Variants in DTNA observed in about 807,000 individuals in gnomAD.
DTNA encodes the protein dystrobrevin alpha.
In DTNA, 43 loss-of-function variants were observed where a neutral mutation model predicts 100.7. That is an observed-to-expected ratio of 0.43 (90% CI 0.33 to 0.55). DTNA has a LOEUF of 0.55. Ranked by LOEUF, DTNA falls within the 20% of genes least tolerant of loss-of-function variation. The pLI, the probability that DTNA is intolerant of heterozygous loss-of-function variation, is 0.04. For missense variants in DTNA, 798 were observed against 953.9 expected (o/e 0.84, Z 2.15); for synonymous variants, 349 against 347.9 (o/e 1.00, Z -0.04).
chr18:34,716,972 G>A (rs1366930216), intron 1 of DTNA, among the ~76,000 whole-genome samples: 2 of 152,070 alleles, frequency 1.3e-5, no homozygotes, highest in Non-Finnish European at 2.9e-5. Context: ...TTTAAATAGG[G>A]TATACATTCC....
At chr18:34,790,629 T>C (rs533259468) in intron 3 of DTNA, among the ~76,000 whole-genome samples, 2 of 135,066 alleles carry the variant, frequency 1.5e-5, no homozygotes, top group African/African-American at 5.4e-5. Context: ...TGGAGTGCAG[T>C]GGCGCAATCT....
At position 34,682,806 on chromosome 18, in the gene DTNA, G is replaced by C. The variant is rs545706651; in HGVS notation, c.-1-73170G>C. ...ATTTCTCTTATTTCTGTCTTCGCTT[G>C]TCATTCTCTTCAAGGTTTGTTTTTT... On this transcript the variant is annotated intron_variant, in intron 1 of 19. Transcript: ENST00000283365. Among the ~76,000 whole-genome samples, 7 of 151,624 alleles carry C rather than the reference G, an allele frequency of 4.6e-5. No homozygotes were observed. In the South Asian group the frequency reaches 1.5e-3, roughly 32 times the overall value.
Position 34,741,227 on chromosome 18 carries a change from C to A in DTNA, c.-1-14749C>A, listed in dbSNP as rs150315289. On this transcript the variant is annotated intron_variant, in intron 1 of 22. Coordinates refer to ENST00000444659, the MANE Select transcript of DTNA (RefSeq NM_001386795.1). The stretch of plus-strand genomic sequence containing the variant: ...ATCATAAAGTTCCCAGGAGCAGGCA[C>A]TTTATTTTCATACCCTTTGGCTAGC... 6.3e-3 allele frequency among the ~76,000 whole-genome samples: 957 copies of A among 152,196 alleles called. 12 individuals carry two copies. Among genetic ancestry groups the A allele is most frequent in the African/African-American group, 0.022 (906 of 41,524 alleles).
rs1287969983 is a variant in DTNA, at chr18:34,891,517, G to A, written c.*3783G>A. On this transcript the variant is annotated 3_prime_UTR_variant, in exon 23 of 23. Transcript: ENST00000444659. ...CAGTTTAAAGCAGGACCCATTGATG[G>A]AATATTGAGCCACCGAGGCAAAATA... The A allele has an allele frequency of 6.6e-6, 1 of 152,214 alleles. No homozygotes were observed. The highest frequency in any genetic ancestry group is 1.5e-5 in the Non-Finnish European group (1 of 68,028). 9.4% of individuals were successfully genotyped at this position (152,214 alleles called of 1,614,324 possible). A position where few individuals can be genotyped will look rare whatever the true frequency, so the allele number is the denominator to read the frequency against.
intron 1 of DTNA, among the ~76,000 whole-genome samples, chr18:34,711,510 G>C (rs2082900050): frequency 6.6e-6 from 1 of 152,092 alleles, no homozygotes; most frequent in South Asian, 2.1e-4. Context: ...TGTTATTCTA[G>C]TGTATTCACT....
intron 1 of DTNA, among the ~76,000 whole-genome samples, chr18:34,660,944 A>G (rs2075097270): frequency 6.6e-6 from 1 of 152,160 alleles, no homozygotes; most frequent in Non-Finnish European, 1.5e-5. Flanking sequence ...CTTTGGGCAC[A>G]TGTTCTCAGG....
At position 34,568,278 on chromosome 18, in the gene DTNA, G is replaced by A. The variant is rs540295464; in HGVS notation, c.-2+74764G>A. Among the ~76,000 whole-genome samples the A allele has an allele frequency of 1.0e-3, 157 of 151,822 alleles. 1 individual carries two copies. Among genetic ancestry groups the A allele is most frequent in the African/African-American group, 3.5e-3 (145 of 41,134 alleles). ...AACCACTCTACACCACTGTGTATAT[G>A]TGTGTGTTTGTGCAGTGATATGATT... On this transcript the variant is annotated intron_variant, in intron 1 of 19. Transcript: ENST00000283365.
intron 1 of DTNA, among the ~76,000 whole-genome samples, chr18:34,743,648 CCTT>C (rs1568381628): frequency 6.6e-6 from 1 of 152,102 alleles, no homozygotes; most frequent in Admixed American, 6.6e-5. Context: ...CAAAATAGCT[CCTT>C]CTGCAACATA....
chr18:34,655,551 C>A (rs1225016211), intron 1 of DTNA, among the ~76,000 whole-genome samples: 1 of 152,130 alleles, frequency 6.6e-6, no homozygotes, highest in Non-Finnish European at 1.5e-5. Context: ...GTGCATTTTA[C>A]CCTTGTATCT....
At chr18:34,547,213 A>G (rs1568627624) in intron 1 of DTNA, among the ~76,000 whole-genome samples, 2 of 152,118 alleles carry the variant, frequency 1.3e-5, no homozygotes, top group South Asian at 4.1e-4. Context: ...TTGCTCACCA[A>G]CAAAAGCAAA....
intron 19 of DTNA, 147 bp downstream of exon 19, chr18:34,877,955 A>AG: frequency 1.3e-6 from 1 of 792,590 alleles, no homozygotes; most frequent in South Asian, 1.7e-5. Flanking sequence ...TTCAGATTTG[A>AG]GGGGTTTTTT....
chr18:34,639,289 A>T (rs554703282), intron 1 of DTNA, among the ~76,000 whole-genome samples: 2 of 152,338 alleles, frequency 1.3e-5, no homozygotes, highest in East Asian at 3.9e-4. Flanking sequence ...TTCCTCCCAC[A>T]AGATGCCAAA....
intron 9 of DTNA, 38 bp downstream of exon 9, chr18:34,820,953 C>A (rs2095700116): frequency 6.2e-7 from 1 of 1,613,818 alleles, no homozygotes; most frequent in Non-Finnish European, 8.5e-7. Flanking sequence ...AGACAATTTT[C>A]TTCAAGGGCA....
chr18:34,824,526 A>G (rs900099118), intron 9 of DTNA, among the ~76,000 whole-genome samples: 1 of 152,156 alleles, frequency 6.6e-6, no homozygotes, highest in African/African-American at 2.4e-5. Context: ...TACCTACGTA[A>G]CAAACCTGCA....
chr18:34,538,126 A>G (rs1007653288), intron 1 of DTNA, among the ~76,000 whole-genome samples: 13 of 152,086 alleles, frequency 8.5e-5, no homozygotes, highest in Admixed American at 8.5e-4. Flanking sequence ...GCAAAATGGT[A>G]AATAAAAGTT....
At chr18:34,791,770 A>G (rs541100968) in intron 3 of DTNA, among the ~76,000 whole-genome samples, 1 of 152,316 alleles carries the variant, frequency 6.6e-6, no homozygotes, top group South Asian at 2.1e-4. Flanking sequence ...TTCTTTTGAC[A>G]TGACTCACAT....
intron 11 of DTNA, among the ~76,000 whole-genome samples, chr18:34,835,657 G>C (rs952370941): frequency 2.0e-5 from 3 of 152,228 alleles, no homozygotes; most frequent in Non-Finnish European, 4.4e-5. Flanking sequence ...CAGTACTGAG[G>C]CTAGGGCTCC....
At chr18:34,501,730 G>A (rs2039949312) in intron 1 of DTNA, among the ~76,000 whole-genome samples, 1 of 152,098 alleles carries the variant, frequency 6.6e-6, no homozygotes, top group Admixed American at 6.6e-5. Flanking sequence ...TCACAGTTCT[G>A]GAGGTTACAA....
At chr18:34,614,599 G>A (rs2054873199) in intron 1 of DTNA, among the ~76,000 whole-genome samples, 1 of 152,086 alleles carries the variant, frequency 6.6e-6, no homozygotes, top group Admixed American at 6.6e-5. Context: ...GACTTTGAGG[G>A]GTCCAAAACT....
Sources: allele counts gnomAD v4.1 joint callset (sites outside exome capture counted in the v4.1 genomes callset), GRCh38; gene constraint gnomAD v4.1.1; transcripts MANE v1.5; gene names NCBI Gene and HGNC (gene_info 2026-07-23, HGNC 2026-07-21).